ZNF423: variants seen among roughly 807,000 people sequenced by gnomAD.
The protein encoded by ZNF423 is zinc finger protein 423.
A neutral mutation model predicts 95.8 loss-of-function variants in ZNF423; 12 were observed. The observed-to-expected ratio is 0.13, with a 90% CI of 0.08 to 0.20. ZNF423 has a LOEUF of 0.20. Among genes scored for constraint, ZNF423 ranks in the 10% least tolerant of loss-of-function variants. The pLI, the probability that ZNF423 is intolerant of heterozygous loss-of-function variation, is 1.00. For missense variants in ZNF423, 1,316 were observed against 1,737.1 expected (o/e 0.76, Z 4.31); for synonymous variants, 749 against 711.9 (o/e 1.05, Z -0.83).
chr16:49,524,889 T>C (rs979378560), intron 6 of ZNF423, among the ~76,000 whole-genome samples: 1 of 152,158 alleles, frequency 6.6e-6, no homozygotes, highest in African/African-American at 2.4e-5. Flanking sequence ...GGCTGGGAAC[T>C]TGGCCGGCAG....
At chr16:49,518,725 C>A (rs569597019) in intron 7 of ZNF423, 9 of 334,520 alleles carry the variant, frequency 2.7e-5, no homozygotes, top group Non-Finnish European at 5.1e-5. Context: ...CAGCATGGAA[C>A]CTTTTGAGTA....
At chr16:49,833,392 C>T (rs2035082015) in intron 1 of ZNF423, among the ~76,000 whole-genome samples, 1 of 152,212 alleles carries the variant, frequency 6.6e-6, no homozygotes. Flanking sequence ...ATTTTGTTTC[C>T]TAAGAACAAT....
chr16:49,519,976 C>G (rs1408167110), intron 7 of ZNF423, among the ~76,000 whole-genome samples: 1 of 152,216 alleles, frequency 6.6e-6, no homozygotes, highest in African/African-American at 2.4e-5. Flanking sequence ...CGGGCCTCAG[C>G]TTGCATGCCA....
chr16:49,775,058 T>C (rs1010291753), intron 2 of ZNF423, among the ~76,000 whole-genome samples: 1 of 152,120 alleles, frequency 6.6e-6, no homozygotes, highest in Non-Finnish European at 1.5e-5. Flanking sequence ...AAAGGCAGCA[T>C]TGCCTCCGCC....
At chr16:49,798,758 T>C (rs2034537802) in intron 1 of ZNF423, among the ~76,000 whole-genome samples, 2 of 152,160 alleles carry the variant, frequency 1.3e-5, no homozygotes, top group South Asian at 2.1e-4. Flanking sequence ...TTAAACTGAC[T>C]TTAGAACCAG....
intron 5 of ZNF423, among the ~76,000 whole-genome samples, chr16:49,584,807 T>C (rs1274165478): frequency 6.6e-6 from 1 of 152,206 alleles, no homozygotes; most frequent in Admixed American, 6.5e-5. Flanking sequence ...AAATTACCTA[T>C]GTAACAATAT....
intron 3 of ZNF423, among the ~76,000 whole-genome samples, chr16:49,704,660 TC>T (rs2032296223): frequency 6.6e-6 from 1 of 151,916 alleles, no homozygotes; most frequent in African/African-American, 2.4e-5. Context: ...CTCCAGTAGA[TC>T]TGGAGGGAGT....
intron 5 of ZNF423, among the ~76,000 whole-genome samples, chr16:49,533,092 C>T (rs1968919437): frequency 6.6e-6 from 1 of 152,204 alleles, no homozygotes. Context: ...CTGGTCCAGG[C>T]CCACCAAGGG....
intron 1 of ZNF423, chr16:49,822,523 C>T: frequency 1.8e-6 from 1 of 546,050 alleles, no homozygotes; most frequent in Non-Finnish European, 3.2e-6. Context: ...GATGATGTTG[C>T]TCCTTCATCC....
At chr16:49,854,759 T>C in intron 1 of ZNF423, 5 of 985,190 alleles carry the variant, frequency 5.1e-6, no homozygotes, top group South Asian at 4.7e-5. Flanking sequence ...GGGCCTCTAC[T>C]CTCCAGGGGT....
chr16:49,530,007 G>A (rs1162024853), intron 5 of ZNF423, among the ~76,000 whole-genome samples: 1 of 152,094 alleles, frequency 6.6e-6, no homozygotes, highest in Non-Finnish European at 1.5e-5. Context: ...GGCATGACTA[G>A]CCACCTACAT....
chr16:49,529,418 A>G (rs1968754482), intron 5 of ZNF423, among the ~76,000 whole-genome samples: 1 of 152,206 alleles, frequency 6.6e-6, no homozygotes, highest in Non-Finnish European at 1.5e-5. Context: ...TCTGCTCAGG[A>G]ATAAGTGTTA....
intron 6 of ZNF423, among the ~76,000 whole-genome samples, chr16:49,524,362 C>T (rs1968520434): frequency 6.6e-6 from 1 of 152,186 alleles, no homozygotes; most frequent in Non-Finnish European, 1.5e-5. Context: ...ATCCTCGGGC[C>T]CCCACACAGA....
At chr16:49,768,815 G>A (rs918434630) in intron 2 of ZNF423, among the ~76,000 whole-genome samples, 11 of 151,878 alleles carry the variant, frequency 7.2e-5, no homozygotes, top group African/African-American at 2.7e-4. Context: ...TCCCCCGATT[G>A]CCAGAACACA....
At position 49,617,707 on chromosome 16, in the gene ZNF423, C is replaced by A. The variant is rs373535763; in HGVS notation, c.3601+8463G>T. 3.9e-5 allele frequency among the ~76,000 whole-genome samples: 6 copies of A among 152,216 alleles called. No individual in the cohort carries two copies. In the East Asian group the frequency reaches 9.7e-4, roughly 25 times the overall value. Reference sequence around the variant, plus strand: ...TGTTACCTTTGGAGCCTTCCAGCTCCCACTTCTCTCCCTCCTCTCCCAGCC... The same window carrying A: ...TGTTACCTTTGGAGCCTTCCAGCTCACACTTCTCTCCCTCCTCTCCCAGCC... On this transcript the variant is annotated intron_variant, in intron 5 of 7. Coordinates refer to ENST00000563137, the MANE Select transcript of ZNF423 (RefSeq NM_001379286.1).
intron 2 of ZNF423, among the ~76,000 whole-genome samples, chr16:49,782,394 T>A (rs772421287): frequency 1.3e-5 from 2 of 152,254 alleles, no homozygotes; most frequent in African/African-American, 4.8e-5. Context: ...AAAGGAGCCC[T>A]GGCTCCTAGA....
intron 1 of ZNF423, among the ~76,000 whole-genome samples, chr16:49,813,126 G>A (rs2034779961): frequency 6.6e-6 from 1 of 152,082 alleles, no homozygotes; most frequent in South Asian, 2.1e-4. Context: ...AGTTCTTGCT[G>A]CTCTCTCTCA....
intron 3 of ZNF423, among the ~76,000 whole-genome samples, chr16:49,712,299 C>T (rs898482910): frequency 6.6e-6 from 1 of 152,196 alleles, no homozygotes; most frequent in Admixed American, 6.5e-5. Flanking sequence ...ACTGCTAATG[C>T]ACGGTGGGGC....
At chr16:49,561,550 A>G (rs1179980834) in intron 5 of ZNF423, among the ~76,000 whole-genome samples, 1 of 152,194 alleles carries the variant, frequency 6.6e-6, no homozygotes, top group Non-Finnish European at 1.5e-5. Flanking sequence ...GTATGCTTTT[A>G]TCATAAAAAA....
Sources: gnomAD v4.1 joint callset for allele counts (sites outside exome capture counted in the v4.1 genomes callset) on GRCh38, gnomAD v4.1.1 for gene constraint, MANE v1.5 for transcripts, NCBI Gene and HGNC (gene_info 2026-07-23, HGNC 2026-07-21) for gene names.